Variants in STX8 observed in about 807,000 individuals in gnomAD.
STX8 encodes syntaxin-8.
STX8 carries 23 observed loss-of-function variants against 37.5 expected under a neutral mutation model. The ratio of observed to expected loss-of-function variants is 0.61; its 90% CI spans 0.44 to 0.87. The LOEUF (loss-of-function observed/expected upper bound fraction) is 0.87, where lower values mean the gene tolerates loss of function less well. Ranked by LOEUF, STX8 falls within the 40% of genes least tolerant of loss-of-function variation. STX8 has a pLI of 0.00. For synonymous variants in STX8, 115 were observed against 99.1 expected (o/e 1.16, Z -0.95); for missense variants, 313 against 284.7 (o/e 1.10, Z -0.71).
At chr17:9,264,416 C>A (rs562272762) in intron 7 of STX8, among the ~76,000 whole-genome samples, 44 of 152,192 alleles carry the variant, frequency 2.9e-4, no homozygotes, top group Non-Finnish European at 4.6e-4. Flanking sequence ...GTGATCCCCC[C>A]ACGTCAGCCT....
At chr17:9,287,338 G>A (rs986119482) in intron 7 of STX8, among the ~76,000 whole-genome samples, 6 of 152,130 alleles carry the variant, frequency 3.9e-5, no homozygotes, top group Non-Finnish European at 7.4e-5. Context: ...TGCCACCACC[G>A]CACACAATCA....
chr17:9,333,397 AT>A (rs953461675), intron 7 of STX8, among the ~76,000 whole-genome samples: 13 of 151,910 alleles, frequency 8.6e-5, no homozygotes, highest in African/African-American at 3.1e-4. Context: ...AACTTATTTT[AT>A]TTTTTTTGAA....
chr17:9,391,958 G>T (rs1912238225), intron 6 of STX8, among the ~76,000 whole-genome samples: 1 of 152,138 alleles, frequency 6.6e-6, no homozygotes, highest in Non-Finnish European at 1.5e-5. Context: ...AGTATACGTA[G>T]ACATTGAGAG....
At chr17:9,400,961 C>A (rs1912596332) in intron 6 of STX8, among the ~76,000 whole-genome samples, 1 of 152,160 alleles carries the variant, frequency 6.6e-6, no homozygotes, top group African/African-American at 2.4e-5. Flanking sequence ...TCTAGAGAAT[C>A]TCTCATGAAA....
At chr17:9,315,196 G>A (rs1909341996) in intron 7 of STX8, among the ~76,000 whole-genome samples, 1 of 151,014 alleles carries the variant, frequency 6.6e-6, no homozygotes, top group African/African-American at 2.4e-5. Flanking sequence ...TGAGTTCCTG[G>A]CCATGACAGG....
chr17:9,403,347 T>C (rs867910395), intron 6 of STX8, among the ~76,000 whole-genome samples: 47 of 152,338 alleles, frequency 3.1e-4, no homozygotes, highest in African/African-American at 1.1e-3. Context: ...CTAATTGCAG[T>C]ACACACCATG....
chr17:9,439,133 G>A (rs1053251545), intron 6 of STX8, among the ~76,000 whole-genome samples: 2 of 151,992 alleles, frequency 1.3e-5, no homozygotes, highest in African/African-American at 4.8e-5. Flanking sequence ...ACAAAAACGG[G>A]ATAAACCATA....
intron 7 of STX8, among the ~76,000 whole-genome samples, chr17:9,288,155 C>A (rs1182545457): frequency 1.6e-4 from 10 of 64,464 alleles, no homozygotes; most frequent in South Asian, 4.7e-4. Context: ...AAAAAAAAAA[C>A]CAAAAACAAA....
At chr17:9,297,567 T>A (rs1003770330) in intron 7 of STX8, among the ~76,000 whole-genome samples, 1 of 152,222 alleles carries the variant, frequency 6.6e-6, no homozygotes, top group Non-Finnish European at 1.5e-5. Flanking sequence ...CAACAGCAAG[T>A]ACTCAATAAA....
At chr17:9,407,088 C>T (rs575040941) in intron 6 of STX8, among the ~76,000 whole-genome samples, 1 of 152,236 alleles carries the variant, frequency 6.6e-6, no homozygotes, top group Admixed American at 6.5e-5. Flanking sequence ...ATAAACAGGT[C>T]AATATGAAAG....
rs967196240 is a variant in STX8 at position 9,506,416 on chromosome 17, C to G, written c.324-1254G>C. ...GCTGGTGCTCACCCGCTCCCCCCCC[C>G]CCCCACCCACCTTTCTTAGGAAAGG... On this transcript the variant is annotated intron_variant, in intron 4 of 7. Transcript: ENST00000306357. Among the ~76,000 whole-genome samples, 59 of 97,788 alleles carry G rather than the reference C, an allele frequency of 6.0e-4. 6 individuals carry two copies. The highest frequency in any genetic ancestry group is 1.7e-3 in the African/African-American group (45 of 26,846). 64.2% of individuals were successfully genotyped at this position (97,788 alleles called of 152,430 possible).
intron 7 of STX8, among the ~76,000 whole-genome samples, chr17:9,264,169 T>C (rs1436018514): frequency 6.6e-6 from 1 of 152,210 alleles, no homozygotes; most frequent in African/African-American, 2.4e-5. Flanking sequence ...GGTTCCAGCT[T>C]CACCACTATA....
intron 7 of STX8, among the ~76,000 whole-genome samples, chr17:9,281,562 T>TG (rs1907884541): frequency 1.6e-5 from 2 of 122,312 alleles, no homozygotes; most frequent in African/African-American, 6.3e-5. Context: ...CCTGTTTGGG[T>TG]GGGGGGCTGG....
intron 7 of STX8, among the ~76,000 whole-genome samples, chr17:9,315,507 G>A (rs1477261108): frequency 1.3e-5 from 2 of 152,160 alleles, no homozygotes; most frequent in Non-Finnish European, 2.9e-5. Context: ...CCACCCCAGA[G>A]GGAAAATGTG....
At chr17:9,557,572 T>C (rs780895004) in intron 2 of STX8, 44 bp from the exon 3 acceptor site, 26 of 1,555,674 alleles carry the variant, frequency 1.7e-5, no homozygotes, top group South Asian at 4.5e-5. Flanking sequence ...GTCCAGAATG[T>C]AGAATCCACA....
chr17:9,388,835 C>T (rs1597641198), intron 6 of STX8, among the ~76,000 whole-genome samples: 1 of 149,232 alleles, frequency 6.7e-6, no homozygotes, highest in East Asian at 2.0e-4. Flanking sequence ...AAAAACCATA[C>T]ATTTTCATTT....
rs553553036 is a variant in STX8, at chr17:9,251,319, G to A, written c.644-674C>T. On this transcript the variant is annotated intron_variant, in intron 7 of 7. Transcript: ENST00000306357. Reference sequence around the variant, plus strand: ...ACCATTGCCTGTTCCTTCACCTGATGCTGATGAAGTGGGCCCCACAGAATG... The same window carrying A: ...ACCATTGCCTGTTCCTTCACCTGATACTGATGAAGTGGGCCCCACAGAATG... Among the ~76,000 whole-genome samples the A allele has an allele frequency of 2.0e-4, 30 of 152,320 alleles. No individual in the cohort carries two copies. The South Asian group carries it at 6.0e-3, about 31-fold the overall frequency.
chr17:9,279,348 C>CA (rs1480281868), intron 7 of STX8, among the ~76,000 whole-genome samples: 1 of 152,080 alleles, frequency 6.6e-6, no homozygotes, highest in Non-Finnish European at 1.5e-5. Flanking sequence ...CTTAGCCTCC[C>CA]AGTGTTGGGA....
chr17:9,415,082 C>T (rs746759183), intron 6 of STX8, among the ~76,000 whole-genome samples: 16 of 152,178 alleles, frequency 1.1e-4, no homozygotes, highest in Admixed American at 2.0e-4. Context: ...TGAGCCACCA[C>T]GCCCGGTCTG....
Sources: allele counts gnomAD v4.1 joint callset (sites outside exome capture counted in the v4.1 genomes callset), GRCh38; gene constraint gnomAD v4.1.1; transcripts MANE v1.5; gene names NCBI Gene and HGNC (gene_info 2026-07-23, HGNC 2026-07-21).